The following RIMS1 variants were observed in gnomAD, a reference collection of about 807,000 sequenced individuals.
The protein encoded by RIMS1 is regulating synaptic membrane exocytosis protein 1.
RIMS1 carries 83 observed loss-of-function variants against 214.1 expected under a neutral mutation model. The ratio of observed to expected loss-of-function variants is 0.39; its 90% CI spans 0.32 to 0.47. The LOEUF is 0.47. Ranked by LOEUF, RIMS1 falls within the 20% of genes least tolerant of loss-of-function variation. The pLI is 0.99. For synonymous variants in RIMS1, 793 were observed against 786.8 expected (o/e 1.01, Z -0.13); for missense variants, 2,050 against 2,161.8 (o/e 0.95, Z 1.03).
At chr6:72,108,508 A>G (rs561428902) in intron 4 of RIMS1, among the ~76,000 whole-genome samples, 6 of 152,238 alleles carry the variant, frequency 3.9e-5, no homozygotes, top group Admixed American at 6.5e-5. Flanking sequence ...TACCAGGATC[A>G]TATATTCCCT....
In RIMS1 at chr6:72,274,932, T is replaced by C. The variant is rs868192368; in HGVS notation, c.3482+500T>C. Among the ~76,000 whole-genome samples, 63 of 151,682 alleles carry C rather than the reference T, an allele frequency of 4.2e-4. 1 individual carries two copies. Among genetic ancestry groups the C allele is most frequent in the African/African-American group, 1.4e-3 (60 of 41,416 alleles). On this transcript the variant is annotated intron_variant, in intron 23 of 33. Coordinates refer to ENST00000521978, the MANE Select transcript of RIMS1 (RefSeq NM_014989.7). The stretch of plus-strand genomic sequence containing the variant: ...AAATACCTGGTTTTTATATATTTTA[T>C]AAATATTGTATTGTTAAACACAATA...
At chr6:71,941,056 G>A (rs1785949367) in intron 1 of RIMS1, among the ~76,000 whole-genome samples, 3 of 152,056 alleles carry the variant, frequency 2.0e-5, no homozygotes, top group African/African-American at 4.8e-5. Flanking sequence ...GCTTGTTCAG[G>A]TCTATGATTT....
intron 4 of RIMS1, among the ~76,000 whole-genome samples, chr6:72,136,111 A>G (rs748918462): frequency 6.6e-6 from 1 of 152,226 alleles, no homozygotes; most frequent in Non-Finnish European, 1.5e-5. Flanking sequence ...TAAATAACAG[A>G]CAGAACTGAG....
chr6:72,358,385 T>A (rs1376924243), intron 29 of RIMS1, among the ~76,000 whole-genome samples: 1 of 152,158 alleles, frequency 6.6e-6, no homozygotes, highest in Non-Finnish European at 1.5e-5. Context: ...TAGTGAGTAT[T>A]TTTCTAATAC....
intron 1 of RIMS1, among the ~76,000 whole-genome samples, chr6:71,954,901 G>A (rs1266621673): frequency 6.8e-6 from 1 of 146,120 alleles, no homozygotes; most frequent in South Asian, 2.2e-4. Flanking sequence ...ACACCTAGAG[G>A]TGACTACTTT....
chr6:72,325,833 T>C (rs1220861361), intron 28 of RIMS1, among the ~76,000 whole-genome samples: 2 of 151,852 alleles, frequency 1.3e-5, no homozygotes, highest in African/African-American at 4.8e-5. Context: ...ATTTTTTAGT[T>C]CTGATTCTTA....
chr6:72,067,011 A>T (rs534697532), intron 2 of RIMS1, among the ~76,000 whole-genome samples: 1 of 152,094 alleles, frequency 6.6e-6, no homozygotes, highest in Admixed American at 6.5e-5. Context: ...ACCCTAGACC[A>T]TCCTCCACTT....
At chr6:72,146,966 C>T (rs540193630) in intron 4 of RIMS1, among the ~76,000 whole-genome samples, 17 of 152,222 alleles carry the variant, frequency 1.1e-4, no homozygotes, top group African/African-American at 2.6e-4. Context: ...TGGTTAACTC[C>T]GTATGTCCCC....
intron 1 of RIMS1, among the ~76,000 whole-genome samples, chr6:71,966,408 A>C (rs183514311): frequency 6.6e-6 from 1 of 152,358 alleles, no homozygotes; most frequent in African/African-American, 2.4e-5. Context: ...AAGATTCTAT[A>C]ACATACATAG....
rs150312350 is a variant in RIMS1, at chr6:72,163,155, C to T, written c.472-16420C>T. Among the ~76,000 whole-genome samples, 322 of 140,000 alleles carry T rather than the reference C, an allele frequency of 2.3e-3. 51 individuals are homozygous for T. The highest frequency in any genetic ancestry group is 0.014 in the Middle Eastern group (4 of 280). The allele number at this position is 140,000 out of a possible 152,430, so 91.8% of individuals were successfully genotyped here. ...TCATTTCATCTTCCATCACTGATAC[C>T]CTTTCTTCCAGTTGATCGAATCGGC... On this transcript the variant is annotated intron_variant, in intron 4 of 33. Coordinates refer to ENST00000521978, the MANE Select transcript of RIMS1 (RefSeq NM_014989.7).
chr6:72,258,910 TC>T, intron 17 of RIMS1, 75 bp from the exon 18 acceptor site: 1 of 1,378,286 alleles, frequency 7.3e-7, no homozygotes, highest in Non-Finnish European at 1.0e-6. Flanking sequence ...TACTCTCAGT[TC>T]CTTCACTTTA....
intron 1 of RIMS1, among the ~76,000 whole-genome samples, chr6:71,933,800 A>G (rs1783792635): frequency 1.3e-5 from 2 of 152,064 alleles, no homozygotes; most frequent in South Asian, 4.2e-4. Flanking sequence ...ATTCTAACAC[A>G]GTCGTTCCAG....
intron 1 of RIMS1, among the ~76,000 whole-genome samples, chr6:71,912,427 C>T (rs1219390453): frequency 6.6e-6 from 1 of 152,118 alleles, no homozygotes; most frequent in Admixed American, 6.6e-5. Context: ...TAAAATGCTA[C>T]AGTAGAATTT....
intron 26 of RIMS1, among the ~76,000 whole-genome samples, chr6:72,299,539 C>T (rs1252725472): frequency 6.6e-6 from 1 of 151,268 alleles, no homozygotes; most frequent in Non-Finnish European, 1.5e-5. Flanking sequence ...TTTTTAAGTA[C>T]CAGGTTTCTT....
At chr6:72,077,832 C>T (rs1832303713) in intron 2 of RIMS1, among the ~76,000 whole-genome samples, 1 of 152,208 alleles carries the variant, frequency 6.6e-6, no homozygotes, top group Non-Finnish European at 1.5e-5. Context: ...TTTGTTCCAG[C>T]CCTGGCTTGT....
chr6:72,269,903 T>C (rs1488732684), intron 22 of RIMS1, among the ~76,000 whole-genome samples: 1 of 152,182 alleles, frequency 6.6e-6, no homozygotes, highest in Non-Finnish European at 1.5e-5. Flanking sequence ...ATACCATATC[T>C]TTGTAAAACC....
intron 6 of RIMS1, among the ~76,000 whole-genome samples, chr6:72,226,810 C>A (rs1218377527): frequency 6.6e-6 from 1 of 151,998 alleles, no homozygotes; most frequent in East Asian, 1.9e-4. Flanking sequence ...ATTTTGGTTA[C>A]AATCACTAAT....
chr6:72,093,481 T>C (rs1355579016), intron 2 of RIMS1, among the ~76,000 whole-genome samples: 1 of 151,968 alleles, frequency 6.6e-6, no homozygotes, highest in East Asian at 1.9e-4. Context: ...TTGTTTTTCT[T>C]AATAATTCCC....
At chr6:71,959,225 G>C (rs990190486) in intron 1 of RIMS1, among the ~76,000 whole-genome samples, 1 of 151,998 alleles carries the variant, frequency 6.6e-6, no homozygotes, top group African/African-American at 2.4e-5. Flanking sequence ...TAACTTTCTA[G>C]GCAGGTGAAT....
Sources: allele counts gnomAD v4.1 joint callset (sites outside exome capture counted in the v4.1 genomes callset), GRCh38; gene constraint gnomAD v4.1.1; transcripts MANE v1.5; gene names NCBI Gene and HGNC (gene_info 2026-07-23, HGNC 2026-07-21).